PCDHA11: variants seen among roughly 807,000 people sequenced by gnomAD.
The protein encoded by PCDHA11 is protocadherin alpha-11.
Under a neutral mutation model 70.3 loss-of-function variants are expected in PCDHA11, and 61 were observed. The observed-to-expected ratio is 0.87, with a 90% CI of 0.71 to 1.07. The LOEUF (loss-of-function observed/expected upper bound fraction) is 1.07. Ranked by LOEUF, PCDHA11 falls within the 50% of genes least tolerant of loss-of-function variation. PCDHA11 has a pLI of 0.00. For missense variants in PCDHA11, 1,324 were observed against 1,237.5 expected (o/e 1.07, Z -1.05); for synonymous variants, 633 against 555.1 (o/e 1.14, Z -1.97).
At chr5:140,899,781 T>C (rs1187719719) in intron 1 of PCDHA11, among the ~76,000 whole-genome samples, 1 of 152,218 alleles carries the variant, frequency 6.6e-6, no homozygotes, top group Non-Finnish European at 1.5e-5. Context: ...TTACCTCTGG[T>C]ATAATTCGGC....
intron 1 of PCDHA11, chr5:140,967,224 A>G (rs2096116008): frequency 6.2e-7 from 1 of 1,613,708 alleles, no homozygotes; most frequent in Non-Finnish European, 8.5e-7. Flanking sequence ...CGGCCCAACT[A>G]CCAGCTTCAG....
chr5:140,881,121 C>G (rs1456322924), intron 1 of PCDHA11, among the ~76,000 whole-genome samples: 4 of 152,122 alleles, frequency 2.6e-5, no homozygotes, highest in Non-Finnish European at 4.4e-5. Flanking sequence ...GATTTTGTGG[C>G]TTGGTAGAGA....
rs142150910 is a variant in PCDHA11, at chr5:140,945,405, C to T, written c.2392-33544C>T. ...AGCAATATACAAATTCAATACAATTCGTATCAAAATTTCAATGAAGTTTTT... is the reference window on the plus strand; with the variant it reads ...AGCAATATACAAATTCAATACAATTTGTATCAAAATTTCAATGAAGTTTTT... On this transcript the variant is annotated intron_variant, in intron 1 of 3. Transcript: ENST00000398640. Among the ~76,000 whole-genome samples, 454 of 152,016 alleles carry T rather than the reference C, an allele frequency of 3.0e-3. 3 individuals are homozygous for T. Among genetic ancestry groups the T allele is most frequent in the African/African-American group, 9.6e-3 (400 of 41,488 alleles).
At chr5:140,895,036 A>T (rs1207978693) in intron 1 of PCDHA11, among the ~76,000 whole-genome samples, 1 of 151,998 alleles carries the variant, frequency 6.6e-6, no homozygotes, top group Non-Finnish European at 1.5e-5. Flanking sequence ...ATTGTCCCCC[A>T]CCCACACCAT....
intron 3 of PCDHA11, among the ~76,000 whole-genome samples, chr5:140,996,886 T>C (rs1396322934): frequency 6.6e-6 from 1 of 152,218 alleles, no homozygotes; most frequent in Non-Finnish European, 1.5e-5. Context: ...TATTTTTAAA[T>C]AAAATAGAAT....
intron 1 of PCDHA11, among the ~76,000 whole-genome samples, chr5:140,945,912 A>G (rs1351762760): frequency 2.0e-5 from 3 of 152,132 alleles, no homozygotes; most frequent in African/African-American, 7.2e-5. Flanking sequence ...TGAAAGATCA[A>G]TAACACTGAT....
intron 3 of PCDHA11, among the ~76,000 whole-genome samples, chr5:140,985,279 A>G (rs1168353248): frequency 1.3e-5 from 2 of 152,150 alleles, no homozygotes; most frequent in Non-Finnish European, 2.9e-5. Context: ...CTTTTCTGCA[A>G]TCTATGATAT....
chr5:140,873,546 A>C (rs2054343070), intron 1 of PCDHA11, among the ~76,000 whole-genome samples: 2 of 151,836 alleles, frequency 1.3e-5, no homozygotes, highest in Admixed American at 1.3e-4. Context: ...TAAAATTATA[A>C]TTTCAATTTA....
chr5:140,896,750 A>G (rs781993760), intron 1 of PCDHA11, among the ~76,000 whole-genome samples: 3 of 152,114 alleles, frequency 2.0e-5, no homozygotes, highest in Non-Finnish European at 4.4e-5. Flanking sequence ...GATTCTGGAT[A>G]TTAGACCTTT....
intron 3 of PCDHA11, among the ~76,000 whole-genome samples, chr5:140,997,576 G>A (rs528258685): frequency 5.9e-5 from 9 of 152,166 alleles, no homozygotes; most frequent in African/African-American, 2.4e-5. Flanking sequence ...TGTGTGGTCC[G>A]TTGTTGACTG....
intron 1 of PCDHA11, among the ~76,000 whole-genome samples, chr5:140,940,583 G>A (rs1294741133): frequency 6.6e-6 from 1 of 151,990 alleles, no homozygotes; most frequent in East Asian, 1.9e-4. Flanking sequence ...AAAGTGTTGG[G>A]ATTTCAGGCA....
chr5:140,982,427 G>C, intron 2 of PCDHA11, 48 bp from the exon 3 acceptor site: 1 of 1,612,412 alleles, frequency 6.2e-7, no homozygotes, highest in Non-Finnish European at 8.5e-7. Context: ...GAAGAGATGG[G>C]AAAGAATTTA....
chr5:140,900,226 G>A (rs1048533279), intron 1 of PCDHA11, among the ~76,000 whole-genome samples: 18 of 152,090 alleles, frequency 1.2e-4, no homozygotes, highest in Admixed American at 1.1e-3. Flanking sequence ...GCAAATGACT[G>A]GATCTTGTTT....
At position 140,876,037 on chromosome 5, in the gene PCDHA11, A is replaced by G. The variant is rs1554168212; in HGVS notation, c.2391+4543A>G. On this transcript the variant is annotated intron_variant, in intron 1 of 3. Transcript: ENST00000398640. ...TAAAATAAAAACAAAAAAAGATAAA[A>G]GTATATTGCCTGAATTAGTTCTTCG... is the stretch of plus-strand genomic sequence containing the variant. 1.9e-6 allele frequency: 3 copies of G among 1,613,766 alleles called. No homozygotes were observed. Among genetic ancestry groups the G allele is most frequent in the South Asian group, 2.2e-5 (2 of 91,050 alleles).
chr5:140,941,647 C>T (rs1435033243), intron 1 of PCDHA11, among the ~76,000 whole-genome samples: 2 of 152,002 alleles, frequency 1.3e-5, no homozygotes, highest in South Asian at 2.1e-4. Flanking sequence ...CTTCCTACAA[C>T]TTATGTCCAA....
chr5:140,980,455 C>T (rs1412427414), intron 2 of PCDHA11, among the ~76,000 whole-genome samples: 1 of 152,086 alleles, frequency 6.6e-6, no homozygotes, highest in African/African-American at 2.4e-5. Context: ...CACGGTGAAA[C>T]CCTGTCTCTA....
At chr5:140,951,941 C>T (rs576414648) in intron 1 of PCDHA11, among the ~76,000 whole-genome samples, 8 of 152,220 alleles carry the variant, frequency 5.3e-5, no homozygotes, top group African/African-American at 1.4e-4. Flanking sequence ...AGATACAGTG[C>T]GGGTACAGGC....
chr5:140,884,233 T>A (rs782019323), intron 1 of PCDHA11: 1 of 1,613,364 alleles, frequency 6.2e-7, no homozygotes. Flanking sequence ...AGGACCACGG[T>A]GAGCCCGCGC....
intron 1 of PCDHA11, chr5:140,882,664 A>AT (rs782651285): frequency 6.2e-7 from 1 of 1,614,046 alleles, no homozygotes; most frequent in Admixed American, 1.7e-5. Flanking sequence ...ACCCGCCCAT[A>AT]TTCCCTGAAA....
Sources: allele counts gnomAD v4.1 joint callset (sites outside exome capture counted in the v4.1 genomes callset), GRCh38; gene constraint gnomAD v4.1.1; transcripts MANE v1.5; gene names NCBI Gene and HGNC (gene_info 2026-07-23, HGNC 2026-07-21).